SEMA3A: variants seen among roughly 807,000 people sequenced by gnomAD.
The protein encoded by SEMA3A is semaphorin 3A, also known as semaphorin-3A.
In SEMA3A, 29 loss-of-function variants were observed where a neutral mutation model predicts 97.9. The ratio of observed to expected loss-of-function variants is 0.30; its 90% CI spans 0.22 to 0.40. The LOEUF (loss-of-function observed/expected upper bound fraction) is 0.40. Among genes scored for constraint, SEMA3A ranks in the 10% least tolerant of loss-of-function variants. The probability of loss-of-function intolerance (pLI) is 1.00; values close to 1 mark genes in which losing one functional copy is unlikely to be tolerated. For missense variants in SEMA3A, 763 were observed against 951.3 expected (o/e 0.80, Z 2.60); for synonymous variants, 321 against 323.7 (o/e 0.99, Z 0.09).
rs377341344 is a variant in SEMA3A, at chr7:84,436,090, C to T, written c.-246+56370G>A. 6.6e-5 allele frequency among the ~76,000 whole-genome samples: 10 copies of T among 152,244 alleles called. No individual in the cohort carries two copies. The East Asian group carries it at 1.7e-3, about 26-fold the overall frequency. On this transcript the variant is annotated intron_variant, in intron 1 of 3. Transcript: ENST00000424555. ...AAATAAGCAATGGGGAAAGAACTTC[C>T]TATTCAATAAATGGTGTTGGGATAA...
intron 12 of SEMA3A, among the ~76,000 whole-genome samples, chr7:84,001,249 A>AT (rs1396024321): frequency 6.6e-6 from 1 of 152,098 alleles, no homozygotes; most frequent in Non-Finnish European, 1.5e-5. Context: ...CAACAGACAC[A>AT]TGGTATATGT....
At chr7:84,420,477 G>A (rs1804558599) in intron 1 of SEMA3A, among the ~76,000 whole-genome samples, 1 of 152,028 alleles carries the variant, frequency 6.6e-6, no homozygotes, top group South Asian at 2.1e-4. Context: ...CAGCAGACTT[G>A]AAGATAGGTC....
At chr7:84,153,960 C>T (rs1006611088) in intron 1 of SEMA3A, among the ~76,000 whole-genome samples, 21 of 151,908 alleles carry the variant, frequency 1.4e-4, no homozygotes, top group African/African-American at 5.1e-4. Flanking sequence ...AACACTAGTT[C>T]CTTTTGATGT....
chr7:84,476,589 C>A (rs1441691923), intron 1 of SEMA3A, among the ~76,000 whole-genome samples: 3 of 151,846 alleles, frequency 2.0e-5, no homozygotes, highest in Non-Finnish European at 2.9e-5. Context: ...ATATAAAATT[C>A]TATCATTTGT....
intron 1 of SEMA3A, among the ~76,000 whole-genome samples, chr7:84,456,575 A>C (rs1248822197): frequency 6.6e-6 from 1 of 151,866 alleles, no homozygotes; most frequent in Non-Finnish European, 1.5e-5. Context: ...GTAAATATTT[A>C]TTGTTTAATA....
At chr7:84,345,217 C>T (rs1802268700) in intron 2 of SEMA3A, among the ~76,000 whole-genome samples, 1 of 152,068 alleles carries the variant, frequency 6.6e-6, no homozygotes, top group Non-Finnish European at 1.5e-5. Flanking sequence ...AAAAAATGAA[C>T]ATACTTTAAT....
chr7:84,132,265 C>T (rs1795983575), intron 2 of SEMA3A, among the ~76,000 whole-genome samples: 1 of 152,090 alleles, frequency 6.6e-6, no homozygotes, highest in Admixed American at 6.6e-5. Flanking sequence ...AGTGCTATAA[C>T]AAGAAGATCA....
At position 84,413,628 on chromosome 7, in the gene SEMA3A, C is replaced by A. The variant is rs553861014; in HGVS notation, c.-245-41728G>T. ...GGGTGACAGGGTGTCAGAGTGAGAC[C>A]CTGTGTCCAAAACAAACAAACAAAC... On this transcript the variant is annotated intron_variant, in intron 1 of 3. Coordinates refer to the SEMA3A transcript ENST00000424555. Among the ~76,000 whole-genome samples the A allele has an allele frequency of 3.3e-5, 5 of 151,842 alleles. No individual in the cohort carries two copies. The East Asian group carries it at 9.7e-4, about 29-fold the overall frequency.
At chr7:84,396,886 C>T (rs1803748583) in intron 1 of SEMA3A, among the ~76,000 whole-genome samples, 1 of 151,868 alleles carries the variant, frequency 6.6e-6, no homozygotes, top group Non-Finnish European at 1.5e-5. Flanking sequence ...TGGATAAATT[C>T]TTAGCAAGAA....
intron 2 of SEMA3A, among the ~76,000 whole-genome samples, chr7:84,334,059 A>C (rs1355016190): frequency 6.6e-6 from 1 of 152,156 alleles, no homozygotes; most frequent in Non-Finnish European, 1.5e-5. Flanking sequence ...TAAAAACAAT[A>C]GTTTTTTTCT....
At chr7:84,405,156 G>C (rs1292342897) in intron 1 of SEMA3A, among the ~76,000 whole-genome samples, 2 of 151,894 alleles carry the variant, frequency 1.3e-5, no homozygotes, top group African/African-American at 2.4e-5. Flanking sequence ...ACCCATCTCA[G>C]GTGCAGAGAC....
At position 84,194,551 on chromosome 7, in the gene SEMA3A, C is replaced by G; in HGVS notation, c.36G>C (p.Trp12Cys). The G allele has an allele frequency of 6.2e-7, 1 of 1,613,220 alleles. No individual in the cohort carries two copies. The change falls in exon 1 of 17, where the codon TGG (tryptophan) becomes TGC (cysteine). Residue 12 changes from tryptophan (W) to cysteine (C), a missense_variant. Transcript: ENST00000265362. ...GWLTRIVCLF[W>C]GVLLTARANY... ...TTGCTCTTGCTGTAAGTAATACTCC[C>G]CAGAAAAGACAGACAATCCTAGTTA...
intron 1 of SEMA3A, among the ~76,000 whole-genome samples, chr7:84,467,676 A>G (rs560834549): frequency 6.6e-6 from 1 of 152,016 alleles, no homozygotes; most frequent in African/African-American, 2.4e-5. Flanking sequence ...ATGCATCCCA[A>G]CATCATTAAC....
intron 2 of SEMA3A, among the ~76,000 whole-genome samples, chr7:84,358,155 T>C (rs866894028): frequency 2.4e-4 from 37 of 152,352 alleles, no homozygotes; most frequent in African/African-American, 8.9e-4. Context: ...ATCCCATTTG[T>C]CAATTTTGGC....
intron 1 of SEMA3A, among the ~76,000 whole-genome samples, chr7:84,193,391 A>C (rs1798110479): frequency 6.6e-6 from 1 of 152,050 alleles, no homozygotes; most frequent in African/African-American, 2.4e-5. Flanking sequence ...AAATACCTTC[A>C]ATAATTTTTA....
intron 16 of SEMA3A, among the ~76,000 whole-genome samples, chr7:83,962,577 T>C (rs1486300672): frequency 6.6e-6 from 1 of 152,220 alleles, no homozygotes; most frequent in Non-Finnish European, 1.5e-5. Flanking sequence ...AACTCAATAA[T>C]CTGTTTATGC....
chr7:84,072,544 T>A (rs78976599), intron 4 of SEMA3A, among the ~76,000 whole-genome samples: 18,005 of 152,104 alleles, frequency 0.12, 1,137 homozygotes, highest in South Asian at 0.15. Context: ...TTTTGATATG[T>A]TCACCTTGTA....
At chr7:84,442,012 T>C (rs541656615) in intron 1 of SEMA3A, among the ~76,000 whole-genome samples, 1 of 152,198 alleles carries the variant, frequency 6.6e-6, no homozygotes, top group South Asian at 2.1e-4. Context: ...GACTTACAGG[T>C]TGAAATGAAA....
At chr7:84,162,353 G>A (rs1249005269) in intron 1 of SEMA3A, among the ~76,000 whole-genome samples, 1 of 152,120 alleles carries the variant, frequency 6.6e-6, no homozygotes, top group Non-Finnish European at 1.5e-5. Context: ...GGGTGAGGAA[G>A]GGTGGGGAGA....
Sources: allele counts gnomAD v4.1 joint callset (sites outside exome capture counted in the v4.1 genomes callset), GRCh38; gene constraint gnomAD v4.1.1; transcripts MANE v1.5; gene names NCBI Gene and HGNC (gene_info 2026-07-23, HGNC 2026-07-21).